ORC6: variants seen among roughly 807,000 people sequenced by gnomAD.
The protein encoded by ORC6 is origin recognition complex, subunit 6 homolog-like (yeast).
ORC6 carries 31 observed loss-of-function variants against 30.0 expected under a neutral mutation model. The ratio of observed to expected loss-of-function variants is 1.03; its 90% CI spans 0.78 to 1.40. ORC6 has a LOEUF of 1.40. Ranked by LOEUF, ORC6 falls within the 40% of genes most tolerant of loss-of-function variation. ORC6 has a pLI of 0.00. For missense variants in ORC6, 340 were observed against 304.3 expected (o/e 1.12, Z -0.87); for synonymous variants, 136 against 111.2 (o/e 1.22, Z -1.40).
chr16:46,689,943 T>TGA (rs1966411110), intron 1 of ORC6, 173 bp downstream of exon 1: 1 of 930,174 alleles, frequency 1.1e-6, no homozygotes, highest in South Asian at 1.8e-5. Context: ...TGAGCTTGAA[T>TGA]GAGATGGCAA....
rs142498667 is a variant in ORC6, at chr16:46,697,293, T to A, written c.632-165T>A. On this transcript the variant is annotated intron_variant, in intron 6 of 6. Transcript: ENST00000219097. Reference sequence around the variant, plus strand: ...TGAACCTAGGAATTTGAGTGCAGCCTGAGCAACATTACAAGACCCCATCTC... The same window carrying A: ...TGAACCTAGGAATTTGAGTGCAGCCAGAGCAACATTACAAGACCCCATCTC... 1.4e-4 allele frequency among the ~76,000 whole-genome samples: 22 copies of A among 152,342 alleles called. No individual in the cohort carries two copies. The East Asian group carries it at 4.0e-3, about 28-fold the overall frequency.
rs202098896 is a variant in ORC6 at position 46,695,584 on chromosome 16, A to C, written c.472A>C (p.Lys158Gln). ...TAGGATTCTAAAGCTGAAAGTGGAT[A>C]AAAACAAAATGGTAGCCACATCCGG... ...ACKILKLKVD[K>Q]NKMVATSGVK... Residue 158 changes from lysine to glutamine, a missense_variant, in exon 5 of 7, where the codon AAA (lysine) becomes CAA (glutamine). Coordinates refer to ENST00000219097, the MANE Select transcript of ORC6 (RefSeq NM_014321.4). 6.2e-7 allele frequency: 1 copy of C among 1,612,950 alleles called. No homozygotes were observed. Among genetic ancestry groups the C allele is most frequent in the East Asian group, 2.2e-5 (1 of 44,848 alleles).
intron 2 of ORC6, 96 bp from the exon 3 acceptor site, chr16:46,692,286 T>A: frequency 9.3e-7 from 1 of 1,077,848 alleles, no homozygotes; most frequent in South Asian, 1.3e-5. Flanking sequence ...AAATTAATTT[T>A]GAAAAGTTAT....
rs757562073 is a variant in ORC6 at position 46,689,737 on chromosome 16, C to A, written c.32C>A (p.Pro11Gln). The A allele has an allele frequency of 1.9e-6, 3 of 1,602,052 alleles. No individual in the cohort carries two copies. Among genetic ancestry groups the A allele is most frequent in the Admixed American group, 3.4e-5 (2 of 58,690 alleles). Residue 11 changes from proline to glutamine, a missense_variant, in exon 1 of 7, where the codon CCG (proline) becomes CAG (glutamine). Transcript: ENST00000219097. ...TCGGAGCTGATCGGGCGCCTAGCCC[C>A]GCGCCTGGGCCTCGCCGAGCCCGAC... The part of the protein sequence containing the change: MGSELIGRLA[P>Q]RLGLAEPDML...
chr16:46,693,038 T>G, intron 3 of ORC6, 55 bp from the exon 4 acceptor site: 1 of 1,172,336 alleles, frequency 8.5e-7, no homozygotes, highest in Non-Finnish European at 1.3e-6. Context: ...ATACTTTCAG[T>G]CTCTTTTCAA....
rs975317475 is a variant in ORC6 at position 46,697,823 on chromosome 16, T to C, written c.*238T>C. The C allele has an allele frequency of 3.5e-5, 21 of 608,516 alleles. No homozygotes were observed. The highest frequency in any genetic ancestry group is 5.8e-5 in the Non-Finnish European group (19 of 328,594). 37.7% of individuals were successfully genotyped at this position (608,516 alleles called of 1,614,324 possible). On this transcript the variant is annotated 3_prime_UTR_variant, in exon 7 of 7. Transcript: ENST00000219097. ...TAGCCTTATGTGCTTTCCTACAAAA[T>C]GGAATTGGAGGCCGGGCGCAGTGGC...
Position 46,697,546 on chromosome 16 carries a change from G to C in ORC6, c.720G>C (p.Leu240Phe), listed in dbSNP as rs142798998. Residue 240 changes from leucine to phenylalanine, a missense_variant, in exon 7 of 7, where the codon TTG becomes TTC. Physicochemically the swap from Leu to Phe is conservative, Grantham distance 22. Coordinates refer to ENST00000219097, the MANE Select transcript of ORC6 (RefSeq NM_014321.4). ...ATGAAGAATGGAAAAGAAAAATTTT[G>C]GAAAATGCTGCCAGTGCTCAAAAGG... ...QDYEEWKRKILENAASAQKAT... is the reference protein window; with the variant it reads ...QDYEEWKRKIFENAASAQKAT... 47 of 1,613,918 alleles carry C rather than the reference G, an allele frequency of 2.9e-5. No individual in the cohort carries two copies. The highest frequency in any genetic ancestry group is 3.8e-5 in the Non-Finnish European group (45 of 1,179,922).
chr16:46,692,113 C>G (rs1435206055), intron 2 of ORC6, among the ~76,000 whole-genome samples: 2 of 151,990 alleles, frequency 1.3e-5, no homozygotes, highest in Admixed American at 1.3e-4. Context: ...CCTATTTTGA[C>G]TATATTAATA....
In ORC6 at chr16:46,695,599, GC is replaced by G; in HGVS notation, c.489del (p.Thr164HisfsTer4). 6.2e-7 allele frequency: 1 copy of G among 1,613,766 alleles called. No homozygotes were observed. Among genetic ancestry groups the G allele is most frequent in the East Asian group, 2.2e-5 (1 of 44,844 alleles). ...GAAAGTGGATAAAAACAAAATGGTAGCCACATCCGGTGTAAAAAAAGCTATA... is the reference window on the plus strand; with the variant it reads ...GAAAGTGGATAAAAACAAAATGGTAGCACATCCGGTGTAAAAAAAGCTATA... ...KLKVDKNKMVATSGVKKAIFD... is the reference protein window; with the variant it reads ...KLKVDKNKMVXTSGVKKAIFD... On this transcript the variant is annotated frameshift_variant, in exon 5 of 7. Transcript: ENST00000219097. LOFTEE classifies it high-confidence loss of function.
chr16:46,697,505 G>A lies in ORC6; in HGVS notation c.679G>A (p.Asp227Asn), dbSNP rs1966531146. Residue 227 changes from aspartate to asparagine, a missense_variant, in exon 7 of 7, where the codon GAT (aspartate) becomes AAT (asparagine). Coordinates refer to ENST00000219097, the MANE Select transcript of ORC6 (RefSeq NM_014321.4). ...GCCACATAAACCACAGAAAGATGAAGATCTGACACAGGATTATGAAGAATG... is the reference window on the plus strand; with the variant it reads ...GCCACATAAACCACAGAAAGATGAAAATCTGACACAGGATTATGAAGAATG... ...EMPHKPQKDE[D>N]LTQDYEEWKR... The A allele has an allele frequency of 1.2e-6, 2 of 1,613,362 alleles. No individual in the cohort carries two copies. The highest frequency in any genetic ancestry group is 1.7e-5 in the Admixed American group (1 of 60,004).
rs1316335936 is a variant in ORC6 at position 46,698,165 on chromosome 16, A to G, written c.*580A>G. On this transcript the variant is annotated 3_prime_UTR_variant, in exon 7 of 7. Transcript: ENST00000219097. ...CTGGGTGACAGAGCGAGACTTATAG[A>G]TAGATAGATAGATAGATGGATAGAT... 10 of 437,410 alleles carry G rather than the reference A, an allele frequency of 2.3e-5. No individual in the cohort carries two copies. The highest frequency in any genetic ancestry group is 3.2e-5 in the Non-Finnish European group (7 of 219,056). The allele number at this position is 437,410 out of a possible 1,614,324, so 27.1% of individuals were successfully genotyped here. A position where few individuals can be genotyped will look rare whatever the true frequency, so the allele number is the denominator to read the frequency against.
intron 1 of ORC6, chr16:46,690,651 T>C: frequency 2.7e-6 from 1 of 363,682 alleles, no homozygotes; most frequent in South Asian, 2.2e-5. Context: ...TAAGAACTAC[T>C]GATTTAAAGG....
Position 46,696,032 on chromosome 16 carries a change from T to G in ORC6, c.578T>G (p.Val193Gly), listed in dbSNP as rs1966514110. The change falls in exon 6 of 7, where the codon GTA becomes GGA. Residue 193 changes from valine to glycine, a missense_variant. Physicochemically the swap from Val to Gly is moderately radical, Grantham distance 109. Coordinates refer to ENST00000219097, the MANE Select transcript of ORC6 (RefSeq NM_014321.4). ...CTTCTTAAAGGAGAACCTGGAGATG[T>G]AGCTACTCCACCACGGAAGAGAAAG... ...GQQVDREPGD[V>G]ATPPRKRKKI... 6.2e-7 allele frequency: 1 copy of G among 1,612,822 alleles called. No individual in the cohort carries two copies. Among genetic ancestry groups the G allele is most frequent in the Non-Finnish European group, 8.5e-7 (1 of 1,178,904 alleles).
intron 6 of ORC6, chr16:46,696,295 C>T (rs993665071): frequency 1.7e-6 from 1 of 588,026 alleles, no homozygotes; most frequent in Non-Finnish European, 3.1e-6. Context: ...GTGGCTTATT[C>T]CTGTAATCCC....
Position 46,697,931 on chromosome 16 carries a change from A to G in ORC6, c.*346A>G, listed in dbSNP as rs1371572841. ...GGAGCTCGAGACCAGCCTGGCCAAC[A>G]TGGTGAAACCCCATCTCTACTAAAA... is the stretch of plus-strand genomic sequence containing the variant. On this transcript the variant is annotated 3_prime_UTR_variant, in exon 7 of 7. Coordinates refer to ENST00000219097, the MANE Select transcript of ORC6 (RefSeq NM_014321.4). 6.6e-6 allele frequency: 3 copies of G among 454,898 alleles called. No homozygotes were observed. The highest frequency in any genetic ancestry group is 4.0e-5 in the African/African-American group (2 of 50,116). 28.2% of individuals were successfully genotyped at this position (454,898 alleles called of 1,614,324 possible).
chr16:46,690,668 G>A, intron 1 of ORC6: 2 of 383,020 alleles, frequency 5.2e-6, no homozygotes, highest in Non-Finnish European at 1.0e-5. Context: ...AAGGAAATAG[G>A]AGGAAAGGAG....
chr16:46,692,040 ACACGT>A (rs1338394002), intron 2 of ORC6, among the ~76,000 whole-genome samples: 1 of 150,512 alleles, frequency 6.6e-6, no homozygotes, highest in East Asian at 2.0e-4. Flanking sequence ...CCAATAAATT[ACACGT>A]TAGCACCTTT....
chr16:46,692,986 A>G, intron 3 of ORC6, 107 bp from the exon 4 acceptor site: 3 of 785,184 alleles, frequency 3.8e-6, no homozygotes, highest in Non-Finnish European at 6.9e-6. Context: ...GTGTTAAGTG[A>G]CAGCACACAT....
chr16:46,698,084 C>A lies in ORC6; in HGVS notation c.*499C>A. ...GAGCCGAGATTGCACCACCGCACTCCAGCCTGGGTGACAGAGCGAGACTTA... is the reference window on the plus strand; with the variant it reads ...GAGCCGAGATTGCACCACCGCACTCAAGCCTGGGTGACAGAGCGAGACTTA... On this transcript the variant is annotated 3_prime_UTR_variant, in exon 7 of 7. Transcript: ENST00000219097. 1 of 429,546 alleles carries A rather than the reference C, an allele frequency of 2.3e-6. No homozygotes were observed. Among genetic ancestry groups the A allele is most frequent in the Non-Finnish European group, 4.7e-6 (1 of 210,928 alleles). The allele number at this position is 429,546 out of a possible 1,614,324, so 26.6% of individuals were successfully genotyped here. A position where few individuals can be genotyped will look rare whatever the true frequency, so the allele number is the denominator to read the frequency against.
Sources: allele counts gnomAD v4.1 joint callset (sites outside exome capture counted in the v4.1 genomes callset), GRCh38; gene constraint gnomAD v4.1.1; transcripts MANE v1.5; gene names NCBI Gene and HGNC (gene_info 2026-07-23, HGNC 2026-07-21).